The following PLXNC1 variants were observed in gnomAD, a reference collection of about 807,000 sequenced individuals.
The protein encoded by PLXNC1 is plexin C1.
A neutral mutation model predicts 178.2 loss-of-function variants in PLXNC1; 75 were observed. The ratio of observed to expected loss-of-function variants is 0.42; its 90% confidence interval spans 0.35 to 0.51. The LOEUF is 0.51. PLXNC1 is among the 20% of genes least tolerant of loss of function. The pLI is 0.02. For synonymous variants in PLXNC1, 790 were observed against 779.9 expected (o/e 1.01, Z -0.22); for missense variants, 1,503 against 1,984.4 (o/e 0.76, Z 4.61).
intron 1 of PLXNC1, 117 bp from the exon 2 acceptor site, chr12:94,169,036 G>T: frequency 1.1e-6 from 1 of 889,880 alleles, no homozygotes; most frequent in South Asian, 1.9e-5. Flanking sequence ...GAATATATGT[G>T]GGGCCCAGAA....
At chr12:94,267,752 T>C (rs902684156) in intron 21 of PLXNC1, among the ~76,000 whole-genome samples, 1 of 152,190 alleles carries the variant, frequency 6.6e-6, no homozygotes, top group Non-Finnish European at 1.5e-5. Context: ...AGAAGGTCAA[T>C]ATAAAAAATT....
chr12:94,233,454 A>AAT (rs1160748635), intron 9 of PLXNC1, among the ~76,000 whole-genome samples: 1 of 152,206 alleles, frequency 6.6e-6, no homozygotes, highest in Non-Finnish European at 1.5e-5. Context: ...TGCCAAGAGG[A>AAT]ATAGCAGGTT....
At chr12:94,206,405 A>T (rs890631464) in intron 4 of PLXNC1, among the ~76,000 whole-genome samples, 1 of 152,214 alleles carries the variant, frequency 6.6e-6, no homozygotes, top group African/African-American at 2.4e-5. Context: ...AGCTTTCTTA[A>T]ATAGTTTCAT....
At chr12:94,263,574 G>GAGGAA (rs890962090) in intron 20 of PLXNC1, among the ~76,000 whole-genome samples, 1 of 152,116 alleles carries the variant, frequency 6.6e-6, no homozygotes, top group African/African-American at 2.4e-5. Flanking sequence ...ATCTGTGCTG[G>GAGGAA]AGGAAAAGAG....
chr12:94,270,767 T>C (rs1280961538), intron 21 of PLXNC1, among the ~76,000 whole-genome samples: 1 of 151,998 alleles, frequency 6.6e-6, no homozygotes, highest in Non-Finnish European at 1.5e-5. Context: ...CCATTACTTT[T>C]TTTTTTTTTT....
chr12:94,279,674 G>T, intron 22 of PLXNC1, 25 bp downstream of exon 22: 1 of 1,608,382 alleles, frequency 6.2e-7, no homozygotes, highest in Non-Finnish European at 8.5e-7. Context: ...GAGCTATGTG[G>T]TCCCAGGCCC....
In PLXNC1 at chr12:94,298,795, G is replaced by A; in HGVS notation, c.4238G>A (p.Ser1413Asn). ...PDVVHIWKTNSLPLRFWVNIL... is the reference protein window; with the variant it reads ...PDVVHIWKTNNLPLRFWVNIL... ...GTCGTACATATTTGGAAAACAAACA[G>A]GTGGGAATGTAGGTGATTAGTGACT... The change falls in exon 27 of 31, where the codon AGC becomes AAC. Residue 1413 changes from serine (S) to asparagine (N), a missense_variant and splice_region_variant. This residue lies in a region of PLXNC1 where 639 missense variants were observed against 979.7 expected (regional missense o/e 0.65). Coordinates refer to ENST00000258526, the MANE Select transcript of PLXNC1 (RefSeq NM_005761.3). 1 of 1,610,264 alleles carries A rather than the reference G, an allele frequency of 6.2e-7. No individual in the cohort carries two copies. Among genetic ancestry groups the A allele is most frequent in the Non-Finnish European group, 8.5e-7 (1 of 1,179,074 alleles).
chr12:94,193,634 A>G (rs1962805242), intron 4 of PLXNC1, among the ~76,000 whole-genome samples: 1 of 152,208 alleles, frequency 6.6e-6, no homozygotes, highest in Non-Finnish European at 1.5e-5. Context: ...GCACCAGGTT[A>G]GACCCCAAAA....
intron 4 of PLXNC1, among the ~76,000 whole-genome samples, chr12:94,207,317 A>G (rs3912396): frequency 0.74 from 112,628 of 152,054 alleles, 41,870 homozygotes; most frequent in East Asian, 0.92. Flanking sequence ...ATAAAAAATG[A>G]AAGGTTCATT....
intron 4 of PLXNC1, among the ~76,000 whole-genome samples, chr12:94,196,508 T>C (rs1010668179): frequency 1.1e-4 from 16 of 152,224 alleles, no homozygotes; most frequent in African/African-American, 3.4e-4. Context: ...CCATGCTTCC[T>C]GTACAGCCTG....
chr12:94,293,081 G>GAATC (rs1326433384), intron 23 of PLXNC1, among the ~76,000 whole-genome samples: 5 of 152,034 alleles, frequency 3.3e-5, no homozygotes, highest in Admixed American at 6.5e-5. Context: ...TATGTAAATG[G>GAATC]AATCAGTCAG....
chr12:94,243,591 C>A (rs1050422285), intron 11 of PLXNC1, among the ~76,000 whole-genome samples: 3 of 152,150 alleles, frequency 2.0e-5, no homozygotes, highest in African/African-American at 7.2e-5. Flanking sequence ...AAACAAAATT[C>A]TGTTTAGTGA....
chr12:94,225,415 A>T (rs1355755904), intron 7 of PLXNC1, among the ~76,000 whole-genome samples: 1 of 152,200 alleles, frequency 6.6e-6, no homozygotes, highest in East Asian at 1.9e-4. Flanking sequence ...CATCTCTTCC[A>T]CTGAGGCACT....
intron 2 of PLXNC1, among the ~76,000 whole-genome samples, chr12:94,173,682 C>T (rs1250194597): frequency 6.6e-6 from 1 of 152,204 alleles, no homozygotes; most frequent in East Asian, 1.9e-4. Flanking sequence ...AACTAAACTG[C>T]ATTAACTCTT....
At chr12:94,203,924 A>G (rs1031509078) in intron 4 of PLXNC1, among the ~76,000 whole-genome samples, 3 of 152,248 alleles carry the variant, frequency 2.0e-5, no homozygotes, top group Non-Finnish European at 4.4e-5. Context: ...AATGCCAATC[A>G]TAGAAGGGCT....
chr12:94,164,661 GCACACACACACACACA>G (rs3060912), intron 1 of PLXNC1, among the ~76,000 whole-genome samples: 1,595 of 148,818 alleles, frequency 0.011, 24 homozygotes, highest in African/African-American at 0.035. Flanking sequence ...ATGACTCCCT[GCACACACACACACACA>G]CACACACACA....
intron 1 of PLXNC1, among the ~76,000 whole-genome samples, chr12:94,161,351 G>A (rs530304323): frequency 5.8e-4 from 89 of 152,254 alleles, no homozygotes; most frequent in South Asian, 4.8e-3. Context: ...GAGTGGATGG[G>A]TGGGTGGATG....
At chr12:94,291,931 C>T (rs1279129605) in intron 23 of PLXNC1, among the ~76,000 whole-genome samples, 2 of 152,200 alleles carry the variant, frequency 1.3e-5, no homozygotes, top group Non-Finnish European at 2.9e-5. Context: ...TGGAGTCCCT[C>T]ATGTCTACTG....
At chr12:94,240,741 T>C (rs1964365982) in intron 11 of PLXNC1, 77 bp downstream of exon 11, 2 of 1,174,966 alleles carry the variant, frequency 1.7e-6, no homozygotes, top group Admixed American at 4.4e-5. Flanking sequence ...TTTATTCAAG[T>C]AAATTCAGAA....
Sources: gnomAD v4.1 joint callset for allele counts (sites outside exome capture counted in the v4.1 genomes callset) on GRCh38, gnomAD v4.1.1 for gene constraint, gnomAD v4.1.1 regional missense constraint, MANE v1.5 for transcripts, NCBI Gene and HGNC (gene_info 2026-07-23, HGNC 2026-07-21) for gene names.